Variants in NRXN1 observed in about 807,000 individuals in gnomAD.
NRXN1 encodes neurexin 1.
NRXN1 carries 39 observed loss-of-function variants against 150.9 expected under a neutral mutation model. The ratio of observed to expected loss-of-function variants is 0.26; its 90% confidence interval spans 0.20 to 0.34. The LOEUF (loss-of-function observed/expected upper bound fraction) is 0.34, where lower values mean the gene tolerates loss of function less well. NRXN1 is among the 10% of genes least tolerant of loss of function. The pLI is 1.00. For synonymous variants in NRXN1, 924 were observed against 757.0 expected (o/e 1.22, Z -3.62); for missense variants, 1,815 against 1,949.9 (o/e 0.93, Z 1.30).
At position 49,955,582 on chromosome 2, in the gene NRXN1, G is replaced by C. The variant is rs369453243; in HGVS notation, c.4129-11791C>G. On this transcript the variant is annotated intron_variant, in intron 21 of 22. Coordinates refer to ENST00000401669, the MANE Select transcript of NRXN1 (RefSeq NM_001330078.2). ...TAAAGCCTACTCTGTGGAAGGGACT[G>C]AGAAAAACATAGTTAACTATCATTT... Among the ~76,000 whole-genome samples the C allele has an allele frequency of 1.8e-4, 27 of 149,780 alleles. 1 individual carries two copies. The highest frequency in any genetic ancestry group is 6.6e-4 in the African/African-American group (27 of 40,680).
intron 21 of NRXN1, among the ~76,000 whole-genome samples, chr2:50,032,330 T>A (rs537397356): frequency 6.6e-6 from 1 of 152,204 alleles, no homozygotes. Flanking sequence ...TTCTCTATTG[T>A]GATACTGCTA....
intron 5 of NRXN1, among the ~76,000 whole-genome samples, chr2:50,866,042 T>C (rs188548817): frequency 2.2e-3 from 339 of 151,954 alleles, no homozygotes; most frequent in Non-Finnish European, 3.4e-3. Flanking sequence ...TAATACCAGC[T>C]ACCTCCCACC....
At chr2:50,388,106 AT>A (rs1301426800) in intron 17 of NRXN1, among the ~76,000 whole-genome samples, 2 of 152,136 alleles carry the variant, frequency 1.3e-5, no homozygotes, top group South Asian at 4.1e-4. Flanking sequence ...TGAGTAAACC[AT>A]TTTGGAGAAG....
At chr2:50,650,479 C>T (rs61062807) in intron 5 of NRXN1, among the ~76,000 whole-genome samples, 3,596 of 152,104 alleles carry the variant, frequency 0.024, 121 homozygotes, top group East Asian at 0.14. Context: ...ACAATTAATG[C>T]GACAGCAAAC....
At chr2:50,509,264 T>C (rs1301516821) in intron 12 of NRXN1, among the ~76,000 whole-genome samples, 1 of 152,176 alleles carries the variant, frequency 6.6e-6, no homozygotes, top group Non-Finnish European at 1.5e-5. Context: ...ACTTTCCCCA[T>C]ATTGGAACAA....
chr2:50,216,051 A>G (rs1410727967), intron 18 of NRXN1, among the ~76,000 whole-genome samples: 1 of 151,930 alleles, frequency 6.6e-6, no homozygotes, highest in Non-Finnish European at 1.5e-5. Flanking sequence ...TGGTGTCAGA[A>G]AAGTTATTTT....
At chr2:50,536,944 C>T (rs1319570260) in intron 10 of NRXN1, among the ~76,000 whole-genome samples, 2 of 152,146 alleles carry the variant, frequency 1.3e-5, no homozygotes, top group African/African-American at 2.4e-5. Context: ...TATGTGATAA[C>T]ATACCCGTCT....
At chr2:50,120,448 G>A (rs548353442) in intron 18 of NRXN1, among the ~76,000 whole-genome samples, 2 of 152,198 alleles carry the variant, frequency 1.3e-5, no homozygotes, top group Admixed American at 6.5e-5. Context: ...ACTATTTATA[G>A]TTTATTTTTA....
chr2:50,604,726 C>T (rs534752794), intron 8 of NRXN1, among the ~76,000 whole-genome samples: 26 of 152,194 alleles, frequency 1.7e-4, no homozygotes, highest in East Asian at 7.7e-4. Context: ...CCCTATACTG[C>T]GTTGCAATAG....
At chr2:50,915,311 T>C (rs1239867748) in intron 5 of NRXN1, among the ~76,000 whole-genome samples, 1 of 151,598 alleles carries the variant, frequency 6.6e-6, no homozygotes, top group East Asian at 1.9e-4. Context: ...GTCATTAGTA[T>C]GGCAAAACAT....
At chr2:50,360,916 T>G (rs1338932270) in intron 17 of NRXN1, among the ~76,000 whole-genome samples, 5 of 152,084 alleles carry the variant, frequency 3.3e-5, no homozygotes, top group Non-Finnish European at 7.4e-5. Flanking sequence ...AAACAGTCTC[T>G]CAGACCACCG....
chr2:50,166,277 GTA>G (rs1183968587), intron 18 of NRXN1, among the ~76,000 whole-genome samples: 11 of 116,642 alleles, frequency 9.4e-5, no homozygotes, highest in African/African-American at 2.1e-4. Context: ...AGTACTCAAC[GTA>G]TGTGTGTGTG....
At chr2:50,240,037 A>C (rs1039034859) in intron 17 of NRXN1, among the ~76,000 whole-genome samples, 4 of 151,532 alleles carry the variant, frequency 2.6e-5, no homozygotes, top group Non-Finnish European at 4.4e-5. Flanking sequence ...GAAGTTTTAC[A>C]CTTTCAGTAA....
intron 21 of NRXN1, among the ~76,000 whole-genome samples, chr2:49,960,525 CTCAT>C (rs1268861740): frequency 6.6e-6 from 1 of 152,120 alleles, no homozygotes; most frequent in Non-Finnish European, 1.5e-5. Flanking sequence ...CATTAATTTC[CTCAT>C]TCAAATTTGA....
chr2:50,000,633 C>T (rs1156953558), intron 21 of NRXN1, among the ~76,000 whole-genome samples: 1 of 152,122 alleles, frequency 6.6e-6, no homozygotes, highest in Non-Finnish European at 1.5e-5. Context: ...TATTCCTAAA[C>T]AATAGAGATT....
chr2:50,931,684 T>C (rs1335284165), intron 2 of NRXN1, among the ~76,000 whole-genome samples: 3 of 152,066 alleles, frequency 2.0e-5, no homozygotes, highest in Non-Finnish European at 2.9e-5. Context: ...CTCTTAGTTT[T>C]TCATTTTATA....
intron 12 of NRXN1, among the ~76,000 whole-genome samples, chr2:50,515,688 T>C (rs189399539): frequency 3.9e-5 from 6 of 151,920 alleles, no homozygotes; most frequent in Admixed American, 3.9e-4. Context: ...TTTCTACGTA[T>C]ATCAACTTTT....
chr2:50,160,309 G>A (rs2059285802), intron 18 of NRXN1, among the ~76,000 whole-genome samples: 2 of 152,046 alleles, frequency 1.3e-5, no homozygotes, highest in African/African-American at 4.8e-5. Context: ...GGGAGGTCGA[G>A]GTGGGCAGAT....
At chr2:50,344,092 C>T (rs537136733) in intron 17 of NRXN1, among the ~76,000 whole-genome samples, 1 of 152,080 alleles carries the variant, frequency 6.6e-6, no homozygotes, top group Non-Finnish European at 1.5e-5. Flanking sequence ...CAACAACTAG[C>T]GAAATATTCA....
Sources: allele counts gnomAD v4.1 joint callset (sites outside exome capture counted in the v4.1 genomes callset), GRCh38; gene constraint gnomAD v4.1.1; transcripts MANE v1.5; gene names NCBI Gene and HGNC (gene_info 2026-07-23, HGNC 2026-07-21).